VPS13A: variants seen among roughly 807,000 people sequenced by gnomAD.
VPS13A encodes intermembrane lipid transfer protein VPS13A.
A neutral mutation model predicts 390.9 loss-of-function variants in VPS13A; 264 were observed. The observed-to-expected ratio is 0.68, with a 90% CI of 0.61 to 0.75. VPS13A has a LOEUF of 0.75. Ranked by LOEUF, VPS13A falls within the 30% of genes least tolerant of loss-of-function variation. The pLI is 0.00. For missense variants in VPS13A, 3,409 were observed against 3,733.9 expected, an observed-to-expected ratio of 0.91 and a Z score of 2.27; for synonymous variants, 1,231 against 1,227.1, an observed-to-expected ratio of 1.00 and a Z score of -0.07.
chr9:77,403,753 ACTT>A (rs1834482117), intron 69 of VPS13A, among the ~76,000 whole-genome samples: 1 of 152,198 alleles, frequency 6.6e-6, no homozygotes, highest in Non-Finnish European at 1.5e-5. Flanking sequence ...TACTCCAGCG[ACTT>A]CTTCAAGTAG....
chr9:77,190,861 G>C (rs1303774843), intron 1 of VPS13A, among the ~76,000 whole-genome samples: 1 of 152,132 alleles, frequency 6.6e-6, no homozygotes, highest in African/African-American at 2.4e-5. Context: ...AGTGTGCATA[G>C]AGATGTTCAT....
intron 31 of VPS13A, among the ~76,000 whole-genome samples, chr9:77,284,712 T>A (rs1263745208): frequency 6.6e-6 from 1 of 151,956 alleles, no homozygotes; most frequent in African/African-American, 2.4e-5. Context: ...ATTTTATTTT[T>A]TTATTTTTTT....
chr9:77,283,605 G>A lies in VPS13A; in HGVS notation c.3294G>A (p.Arg1098=), dbSNP rs761725075. 5 of 1,613,060 alleles carry A rather than the reference G, an allele frequency of 3.1e-6. No individual in the cohort carries two copies. The highest frequency in any genetic ancestry group is 1.7e-5 in the Admixed American group (1 of 59,972). The change falls in exon 31 of 72, where the codon AGG becomes AGA. Residue 1098 remains arginine, a synonymous_variant. Coordinates refer to ENST00000360280, the MANE Select transcript of VPS13A (RefSeq NM_033305.3). ...AAACTGAAATAAACGCAAAGCTAAGGAATATAATTGTTTTAGATTCTGATA... is the reference window on the plus strand; with the variant it reads ...AAACTGAAATAAACGCAAAGCTAAGAAATATAATTGTTTTAGATTCTGATA... The part of the protein sequence containing the change: ...PSETEINAKL[R]NIIVLDSDIT...
chr9:77,215,335 G>A (rs1186768184), intron 10 of VPS13A, among the ~76,000 whole-genome samples: 2 of 152,086 alleles, frequency 1.3e-5, no homozygotes, highest in African/African-American at 2.4e-5. Flanking sequence ...CTACTCAAGT[G>A]ATTCTTCTTT....
chr9:77,362,868 A>G (rs1027328062), intron 59 of VPS13A, among the ~76,000 whole-genome samples: 49 of 152,126 alleles, frequency 3.2e-4, no homozygotes, highest in African/African-American at 1.2e-3. Context: ...TATTCTTCTT[A>G]TAGTATTATG....
intron 33 of VPS13A, 58 bp downstream of exon 33, chr9:77,295,904 A>T (rs547323036): frequency 6.5e-7 from 1 of 1,548,010 alleles, no homozygotes; most frequent in Non-Finnish European, 8.8e-7. Flanking sequence ...CTTTTTAAAG[A>T]CTTTGATGTC....
chr9:77,368,707 G>A (rs932064482), intron 62 of VPS13A, among the ~76,000 whole-genome samples: 1 of 152,148 alleles, frequency 6.6e-6, no homozygotes, highest in Non-Finnish European at 1.5e-5. Context: ...TCTATAAAAC[G>A]GTGGTGGTAA....
At position 77,317,671 on chromosome 9, in the gene VPS13A, T is replaced by C. The variant is rs1829479444; in HGVS notation, c.4929T>C (p.Asp1643=). ...AAGGTACAGATCCACAAGTGATCGA[T>C]ATGTCAGTAAAATCCCTGACACTAA... is the stretch of plus-strand genomic sequence containing the variant. ...TQKGTDPQVI[D]MSVKSLTLKV... is the part of the protein sequence containing the mutation. The change falls in exon 40 of 72, where the codon GAT becomes GAC. Residue 1643 remains aspartate (D), a synonymous_variant. Coordinates refer to ENST00000360280, the MANE Select transcript of VPS13A (RefSeq NM_033305.3). 1.3e-6 allele frequency: 2 copies of C among 1,599,414 alleles called. No homozygotes were observed. The highest frequency in any genetic ancestry group is 1.3e-5 in the African/African-American group (1 of 74,690).
At position 77,177,592 on chromosome 9, in the gene VPS13A, G is replaced by A. The variant is rs1823708622; in HGVS notation, c.-113G>A. On this transcript the variant is annotated 5_prime_UTR_variant, in exon 1 of 72. Transcript: ENST00000360280. ...GCGTTGGGCCAGCGGGGGCGCCGCA[G>A]CTGAAGCCGCCCCGGAGCCGGTGAA... is the stretch of plus-strand genomic sequence containing the variant. 2.0e-6 allele frequency: 2 copies of A among 994,300 alleles called. No homozygotes were observed. The highest frequency in any genetic ancestry group is 1.6e-5 in the African/African-American group (1 of 62,390). 61.6% of individuals were successfully genotyped at this position (994,300 alleles called of 1,614,324 possible). A position where few individuals can be genotyped will look rare whatever the true frequency, so the allele number is the denominator to read the frequency against.
At chr9:77,334,883 A>G (rs138124354) in intron 46 of VPS13A, among the ~76,000 whole-genome samples, 1 of 152,326 alleles carries the variant, frequency 6.6e-6, no homozygotes, top group East Asian at 1.9e-4. Flanking sequence ...AATAATTTAT[A>G]TGCTTCAGTC....
At chr9:77,397,545 A>G (rs1226767077) in intron 68 of VPS13A, among the ~76,000 whole-genome samples, 1 of 151,794 alleles carries the variant, frequency 6.6e-6, no homozygotes, top group Non-Finnish European at 1.5e-5. Flanking sequence ...ATTTTGCATT[A>G]TTTTTCAGAA....
intron 17 of VPS13A, among the ~76,000 whole-genome samples, chr9:77,235,077 A>T (rs1824065279): frequency 6.6e-6 from 1 of 152,230 alleles, no homozygotes; most frequent in African/African-American, 2.4e-5. Flanking sequence ...AAGAGGAGTT[A>T]AAAACCAAAA....
intron 67 of VPS13A, among the ~76,000 whole-genome samples, chr9:77,374,420 T>A (rs551030124): frequency 6.6e-6 from 1 of 152,322 alleles, no homozygotes; most frequent in Non-Finnish European, 1.5e-5. Flanking sequence ...CTGAGACAGC[T>A]ACTATGTCAC....
chr9:77,413,840 C>G (rs560114068), intron 71 of VPS13A, among the ~76,000 whole-genome samples: 2 of 152,274 alleles, frequency 1.3e-5, no homozygotes, highest in Admixed American at 1.3e-4. Flanking sequence ...TTGCAATCTA[C>G]TCATCTGACA....
At chr9:77,317,744 A>AG in intron 40 of VPS13A, 46 bp downstream of exon 40, 2 of 1,424,154 alleles carry the variant, frequency 1.4e-6, no homozygotes, top group African/African-American at 2.8e-5. Context: ...ACTTAAAAAA[A>AG]GTAGTAAAGC....
At chr9:77,323,886 C>T (rs62573227) in intron 45 of VPS13A, among the ~76,000 whole-genome samples, 28,470 of 151,804 alleles carry the variant, frequency 0.19, 2,809 homozygotes, top group Middle Eastern at 0.25. Context: ...CTTGTTGTTG[C>T]TCAGTAGTAA....
At chr9:77,395,377 A>G (rs1231401443) in intron 68 of VPS13A, among the ~76,000 whole-genome samples, 1 of 152,186 alleles carries the variant, frequency 6.6e-6, no homozygotes, top group Non-Finnish European at 1.5e-5. Flanking sequence ...TTCACTCTCT[A>G]TGGCTGTAGT....
At chr9:77,408,094 C>T (rs139114089) in intron 71 of VPS13A, among the ~76,000 whole-genome samples, 224 of 152,296 alleles carry the variant, frequency 1.5e-3, no homozygotes, top group African/African-American at 5.0e-3. Flanking sequence ...TAGAATCTTG[C>T]AGAAGGTCAA....
At chr9:77,357,912 G>A (rs1831907531) in intron 56 of VPS13A, 74 bp downstream of exon 56, 1 of 1,352,874 alleles carries the variant, frequency 7.4e-7, no homozygotes, top group African/African-American at 1.5e-5. Context: ...TATTCCCATG[G>A]TCTGCTTTAT....
Sources: gnomAD v4.1 joint callset for allele counts (sites outside exome capture counted in the v4.1 genomes callset) on GRCh38, gnomAD v4.1.1 for gene constraint, MANE v1.5 for transcripts, NCBI Gene and HGNC (gene_info 2026-07-23, HGNC 2026-07-21) for gene names.